The following INPP4A variants were observed in gnomAD, a reference collection of about 807,000 sequenced individuals.
The protein encoded by INPP4A is inositol polyphosphate-4-phosphatase, type I, 107kD.
INPP4A carries 33 observed loss-of-function variants against 119.8 expected under a neutral mutation model. The ratio of observed to expected loss-of-function variants is 0.28; its 90% CI spans 0.21 to 0.37. The LOEUF (loss-of-function observed/expected upper bound fraction) is 0.37. Among genes scored for constraint, INPP4A ranks in the 10% least tolerant of loss-of-function variants. INPP4A has a pLI of 1.00. For missense variants in INPP4A, 956 were observed against 1,289.9 expected, an observed-to-expected ratio of 0.74 and a Z score of 3.97; for synonymous variants, 496 against 500.7, an observed-to-expected ratio of 0.99 and a Z score of 0.12.
chr2:98,472,388 T>C (rs1306640670), intron 1 of INPP4A, among the ~76,000 whole-genome samples: 2 of 152,286 alleles, frequency 1.3e-5, no homozygotes, highest in East Asian at 1.9e-4. Flanking sequence ...GCAGATTCTC[T>C]TGGCTGCCCT....
chr2:98,539,910 A>T (rs1378296305), intron 10 of INPP4A, among the ~76,000 whole-genome samples: 1 of 151,922 alleles, frequency 6.6e-6, no homozygotes, highest in Non-Finnish European at 1.5e-5. Context: ...TGTGCCCCAC[A>T]CTCAGAACCT....
At chr2:98,584,315 G>C (rs1372853892) in intron 24 of INPP4A, among the ~76,000 whole-genome samples, 1 of 152,232 alleles carries the variant, frequency 6.6e-6, no homozygotes, top group Non-Finnish European at 1.5e-5. Context: ...TCCTGCTCCT[G>C]GTAACGTGGT....
chr2:98,544,078 C>T, intron 11 of INPP4A, 71 bp downstream of exon 11: 3 of 1,377,874 alleles, frequency 2.2e-6, no homozygotes, highest in Non-Finnish European at 3.0e-6. Context: ...CACTCTCACT[C>T]AGTCACTCCC....
chr2:98,492,134 G>A (rs1046120609), intron 1 of INPP4A, among the ~76,000 whole-genome samples: 4 of 152,094 alleles, frequency 2.6e-5, no homozygotes, highest in South Asian at 2.1e-4. Context: ...CATGATCCGC[G>A]CGCCTCAGCC....
At chr2:98,577,729 C>T (rs923399562) in intron 24 of INPP4A, among the ~76,000 whole-genome samples, 2 of 152,220 alleles carry the variant, frequency 1.3e-5, no homozygotes, top group African/African-American at 2.4e-5. Flanking sequence ...GATTCTGAGG[C>T]AGCAGGCGTG....
intron 1 of INPP4A, among the ~76,000 whole-genome samples, chr2:98,468,483 C>G (rs1318665629): frequency 6.6e-6 from 1 of 152,116 alleles, no homozygotes. Flanking sequence ...AAATGATCCT[C>G]TCACCTTGAC....
chr2:98,578,563 A>G (rs765100632), intron 24 of INPP4A, among the ~76,000 whole-genome samples: 11 of 152,206 alleles, frequency 7.2e-5, no homozygotes, highest in Non-Finnish European at 1.0e-4. Context: ...ACCAGTGACA[A>G]AGTGGCCCCC....
At position 98,589,175 on chromosome 2, in the gene INPP4A, T is replaced by C; in HGVS notation, c.*1567T>C. 1 of 179,106 alleles carries C rather than the reference T, an allele frequency of 5.6e-6. No homozygotes were observed. The highest frequency in any genetic ancestry group is 1.2e-5 in the Non-Finnish European group (1 of 83,500). 11.1% of individuals were successfully genotyped at this position (179,106 alleles called of 1,614,324 possible). The stretch of plus-strand genomic sequence containing the variant: ...TTTAATGAAGGACGAAGCTCTCTGC[T>C]GCTCCCTCAAAGCTGAGTTCACTGT... On this transcript the variant is annotated 3_prime_UTR_variant, in exon 25 of 25. Coordinates refer to ENST00000409851, the MANE Select transcript of INPP4A (RefSeq NM_001134225.2).
intron 1 of INPP4A, among the ~76,000 whole-genome samples, chr2:98,503,646 G>T (rs1683532102): frequency 6.6e-6 from 1 of 152,228 alleles, no homozygotes; most frequent in Non-Finnish European, 1.5e-5. Flanking sequence ...ATTCACTTGT[G>T]TGTTCACTGT....
chr2:98,593,466 T>C lies in INPP4A; in HGVS notation c.*5858T>C, dbSNP rs1700487694. Reference sequence around the variant, plus strand: ...TGCCACTAATGGCGTGGTGTTCTCCTGGGTTCCCTTTCTCACTTAAGATGA... The same window carrying C: ...TGCCACTAATGGCGTGGTGTTCTCCCGGGTTCCCTTTCTCACTTAAGATGA... On this transcript the variant is annotated 3_prime_UTR_variant, in exon 25 of 25. Coordinates refer to ENST00000409851, the MANE Select transcript of INPP4A (RefSeq NM_001134225.2). The C allele has an allele frequency of 6.6e-6, 1 of 152,380 alleles. No homozygotes were observed. The highest frequency in any genetic ancestry group is 1.5e-5 in the Non-Finnish European group (1 of 68,082). 9.4% of individuals were successfully genotyped at this position (152,380 alleles called of 1,614,324 possible).
chr2:98,558,353 C>G (rs1250763141), intron 16 of INPP4A, among the ~76,000 whole-genome samples: 1 of 152,126 alleles, frequency 6.6e-6, no homozygotes, highest in African/African-American at 2.4e-5. Flanking sequence ...CTCACATAAC[C>G]TGATTAGCAG....
chr2:98,539,038 C>T lies in INPP4A; in HGVS notation c.670+57C>T, dbSNP rs187599674. ...TCTCTAGTGAGTATCCACTTGGGCCCGCAGTCCCCTTTGCTCCCCACCTGC... is the reference window on the plus strand; with the variant it reads ...TCTCTAGTGAGTATCCACTTGGGCCTGCAGTCCCCTTTGCTCCCCACCTGC... On this transcript the variant is annotated intron_variant, in intron 9 of 24. Coordinates refer to ENST00000409851, the MANE Select transcript of INPP4A (RefSeq NM_001134225.2). The T allele has an allele frequency of 5.6e-5, 56 of 1,007,192 alleles. No homozygotes were observed. In the Middle Eastern group the frequency reaches 6.3e-4, roughly 11 times the overall value. 62.4% of individuals were successfully genotyped at this position (1,007,192 alleles called of 1,614,324 possible).
In INPP4A at chr2:98,563,637, G is replaced by A. The variant is rs539075135; in HGVS notation, c.2028G>A (p.Thr676=). ...QYRRDVVFCQ[T]LTALICGFII... is the part of the protein sequence containing the mutation. ...GCCGTGACGTGGTCTTCTGCCAGAC[G>A]GTAGGCCCCGGGAGCACCCCGAGGG... The change falls in exon 18 of 25, where the codon ACG becomes ACA. Residue 676 remains threonine, a splice_region_variant and synonymous_variant. Coordinates refer to ENST00000409851, the MANE Select transcript of INPP4A (RefSeq NM_001134225.2). The A allele has an allele frequency of 8.1e-6, 13 of 1,612,050 alleles. No individual in the cohort carries two copies. The highest frequency in any genetic ancestry group is 1.1e-5 in the South Asian group (1 of 90,984).
intron 4 of INPP4A, among the ~76,000 whole-genome samples, chr2:98,527,980 T>G (rs1688482765): frequency 6.6e-6 from 1 of 152,204 alleles, no homozygotes; most frequent in Non-Finnish European, 1.5e-5. Context: ...CAAGAAGTTA[T>G]GAGATGTTGC....
At chr2:98,553,549 G>A (rs1013881660) in intron 14 of INPP4A, among the ~76,000 whole-genome samples, 8 of 150,364 alleles carry the variant, frequency 5.3e-5, no homozygotes, top group Admixed American at 4.0e-4. Context: ...ACACAAACAC[G>A]CTCTCATACA....
At chr2:98,581,575 G>T in intron 24 of INPP4A, 1 of 1,517,378 alleles carries the variant, frequency 6.6e-7, no homozygotes, top group Non-Finnish European at 8.8e-7. Context: ...CCTTTTCACA[G>T]CATTGGAACA....
intron 1 of INPP4A, among the ~76,000 whole-genome samples, chr2:98,495,514 G>A (rs1331982418): frequency 6.6e-6 from 1 of 152,192 alleles, no homozygotes; most frequent in Non-Finnish European, 1.5e-5. Context: ...GAGAACATGT[G>A]CCCAAGGTGG....
chr2:98,510,219 G>A (rs1192284436), intron 1 of INPP4A, among the ~76,000 whole-genome samples: 1 of 152,206 alleles, frequency 6.6e-6, no homozygotes, highest in African/African-American at 2.4e-5. Context: ...CAATGGATTG[G>A]ATGTGGGATG....
intron 17 of INPP4A, among the ~76,000 whole-genome samples, chr2:98,561,123 A>G (rs752609432): frequency 1.4e-4 from 22 of 152,244 alleles, no homozygotes; most frequent in Non-Finnish European, 2.1e-4. Flanking sequence ...GATGAGGGGA[A>G]AATGCAGAAG....
Sources: gnomAD v4.1 joint callset for allele counts (sites outside exome capture counted in the v4.1 genomes callset) on GRCh38, gnomAD v4.1.1 for gene constraint, MANE v1.5 for transcripts, NCBI Gene and HGNC (gene_info 2026-07-23, HGNC 2026-07-21) for gene names.